SPEG: variants seen among roughly 807,000 people sequenced by gnomAD.
SPEG encodes striated muscle preferentially expressed protein kinase.
In SPEG, 114 loss-of-function variants were observed where a neutral mutation model predicts 300.4. That is an observed-to-expected ratio of 0.38 (90% CI 0.33 to 0.44). The LOEUF (loss-of-function observed/expected upper bound fraction) is 0.44. SPEG is among the 20% of genes least tolerant of loss of function. The probability of loss-of-function intolerance (pLI) is 1.00; values close to 1 mark genes in which losing one functional copy is unlikely to be tolerated. For missense variants in SPEG, 4,201 were observed against 4,586.2 expected (o/e 0.92, Z 2.43); for synonymous variants, 1,964 against 2,018.9 (o/e 0.97, Z 0.73).
Position 219,448,349 on chromosome 2 carries a change from C to T in SPEG, c.1191C>T (p.Gly397=), listed in dbSNP as rs758190080. 5.0e-6 allele frequency: 8 copies of T among 1,587,172 alleles called. No individual in the cohort carries two copies. Among genetic ancestry groups the T allele is most frequent in the African/African-American group, 1.4e-5 (1 of 73,852 alleles). ...GATCGCCTAGGCTGGTGCGCGCCGG[C>T]TCCCGCATCCTGGACAAGCTGCAGT... The part of the protein sequence containing the change: ...LGRSPRLVRA[G]SRILDKLQFF... Residue 397 remains glycine (G), a synonymous_variant, in exon 4 of 41, where the codon GGC becomes GGT. Coordinates refer to ENST00000312358, the MANE Select transcript of SPEG (RefSeq NM_005876.5).
At chr2:219,462,419 G>A (rs921434224) in intron 8 of SPEG, 33 bp downstream of exon 8, 6 of 1,515,874 alleles carry the variant, frequency 4.0e-6, no homozygotes, top group African/African-American at 2.8e-5. Context: ...ACCCACCAGC[G>A]ACTCTATGCC....
In SPEG at chr2:219,488,622, C is replaced by T. The variant is rs200645290; in HGVS notation, c.7983C>T (p.Asn2661=). 27 of 1,610,808 alleles carry T rather than the reference C, an allele frequency of 1.7e-5. No individual in the cohort carries two copies. The highest frequency in any genetic ancestry group is 5.0e-5 in the Admixed American group (3 of 59,728). The change falls in exon 33 of 41, where the codon AAC becomes AAT. Residue 2661 remains asparagine, a synonymous_variant. Coordinates refer to ENST00000312358, the MANE Select transcript of SPEG (RefSeq NM_005876.5). Reference sequence around the variant, plus strand: ...GTCTCTATGAGTGCTCGGCCACCAACGTACTGGGCAGCATCACCAGCTCCT... The same window carrying T: ...GTCTCTATGAGTGCTCGGCCACCAATGTACTGGGCAGCATCACCAGCTCCT... ...HAGLYECSAT[N]VLGSITSSCT...
intron 18 of SPEG, among the ~76,000 whole-genome samples, chr2:219,475,718 C>G (rs1250998756): frequency 6.6e-6 from 1 of 152,230 alleles, no homozygotes; most frequent in Non-Finnish European, 1.5e-5. Context: ...TGCAGCACAG[C>G]CTAGCTGGAA....
Position 219,451,355 on chromosome 2 carries a change from G to A in SPEG, c.2257+76G>A, listed in dbSNP as rs950207979. ...TGAGAAGGGAAGGGGAGGTTCCCCCGGACTCCTCCAAGGGAGGGGTGGGAA... is the reference window on the plus strand; with the variant it reads ...TGAGAAGGGAAGGGGAGGTTCCCCCAGACTCCTCCAAGGGAGGGGTGGGAA... On this transcript the variant is annotated intron_variant, in intron 5 of 40. Coordinates refer to ENST00000312358, the MANE Select transcript of SPEG (RefSeq NM_005876.5). This position sits in a 1 kb window ranked among gnomAD's most constrained non-coding sequence, Gnocchi z 6.4. The A allele has an allele frequency of 9.3e-6, 14 of 1,507,096 alleles. No homozygotes were observed. Among genetic ancestry groups the A allele is most frequent in the Middle Eastern group, 4.8e-4 (2 of 4,124 alleles). 93.4% of individuals were successfully genotyped at this position (1,507,096 alleles called of 1,614,324 possible).
rs138216550 is a variant in SPEG, at chr2:219,480,167, G to T, written c.5342+27G>T. 3.7e-6 allele frequency: 6 copies of T among 1,610,012 alleles called. No individual in the cohort carries two copies. The highest frequency in any genetic ancestry group is 1.1e-5 in the South Asian group (1 of 90,928). Reference sequence around the variant, plus strand: ...TAAGGCTGGCATGCTGGGCTGGGCCGACCAGGGCAGCTGCCCTTGGGGCTG... The same window carrying T: ...TAAGGCTGGCATGCTGGGCTGGGCCTACCAGGGCAGCTGCCCTTGGGGCTG... On this transcript the variant is annotated intron_variant, in intron 25 of 40. Transcript: ENST00000312358. This position sits in a 1 kb window ranked among gnomAD's most constrained non-coding sequence, Gnocchi z 5.3.
intron 4 of SPEG, among the ~76,000 whole-genome samples, chr2:219,449,972 G>A (rs947877202): frequency 8.6e-5 from 13 of 151,840 alleles, no homozygotes; most frequent in Non-Finnish European, 1.5e-4. Context: ...ACATCAACTC[G>A]AGGCCCACTC....
intron 1 of SPEG, among the ~76,000 whole-genome samples, chr2:219,442,393 A>G (rs536948510): frequency 6.7e-6 from 1 of 150,002 alleles, no homozygotes; most frequent in Admixed American, 6.6e-5. Flanking sequence ...CTTCTTTGCC[A>G]CATCTTCTCT....
chr2:219,457,061 A>G (rs988047244), intron 6 of SPEG, among the ~76,000 whole-genome samples: 1 of 152,342 alleles, frequency 6.6e-6, no homozygotes, highest in South Asian at 2.1e-4. Flanking sequence ...CCAAGGGGAA[A>G]CATTCATGTC....
rs1223448923 is a variant in SPEG, at chr2:219,481,075, A to G, written c.5370-229A>G. On this transcript the variant is annotated intron_variant, in intron 26 of 40. Transcript: ENST00000312358. This position sits in a 1 kb window ranked among gnomAD's most constrained non-coding sequence, Gnocchi z 5.4. Reference sequence around the variant, plus strand: ...GGAGGAGGGATGGAACAGGTCCTCTAAAGCACAGGCCACTAGGCCCCAAGG... The same window carrying G: ...GGAGGAGGGATGGAACAGGTCCTCTGAAGCACAGGCCACTAGGCCCCAAGG... 6.6e-6 allele frequency among the ~76,000 whole-genome samples: 1 copy of G among 152,138 alleles called. No individual in the cohort carries two copies. The highest frequency in any genetic ancestry group is 2.4e-5 in the African/African-American group (1 of 41,442).
Position 219,449,104 on chromosome 2 carries a change from A to G in SPEG, c.1946A>G (p.Glu649Gly). 6.7e-7 allele frequency: 1 copy of G among 1,487,892 alleles called. No homozygotes were observed. The highest frequency in any genetic ancestry group is 8.9e-7 in the Non-Finnish European group (1 of 1,120,878). 92.2% of individuals were successfully genotyped at this position (1,487,892 alleles called of 1,614,324 possible). ...RFLPWATPGL[E>G]GAAVPQTLEK... ...CTGCCCTGGGCCACGCCGGGCCTGG[A>G]GGGCGCTGCTGTACCCCAGACCTTG... The change falls in exon 4 of 41, where the codon GAG becomes GGG. Residue 649 changes from glutamate (E) to glycine (G), a missense_variant. Transcript: ENST00000312358.
chr2:219,475,102 A>AT (rs1692223934), intron 18 of SPEG, among the ~76,000 whole-genome samples: 1 of 151,626 alleles, frequency 6.6e-6, no homozygotes. Context: ...TCTTTTTATA[A>AT]TTTTTCCTTT....
chr2:219,466,700 T>G, intron 9 of SPEG: 1 of 998,782 alleles, frequency 1.0e-6, no homozygotes, highest in Non-Finnish European at 1.2e-6. Flanking sequence ...TTAGGGCCCA[T>G]TTGGGGCCCC....
At chr2:219,472,413 C>T in intron 15 of SPEG, 82 bp downstream of exon 15, 2 of 1,259,764 alleles carry the variant, frequency 1.6e-6, no homozygotes, top group East Asian at 2.4e-5. Flanking sequence ...GGGGGCCAGG[C>T]CCCAGAAGCG....
At chr2:219,449,547 C>T (rs1040452409) in intron 4 of SPEG, among the ~76,000 whole-genome samples, 1 of 152,080 alleles carries the variant, frequency 6.6e-6, no homozygotes, top group African/African-American at 2.4e-5. Flanking sequence ...AGACTGGTGC[C>T]CAGATGCCCG....
At chr2:219,442,455 C>A (rs1212881204) in intron 1 of SPEG, among the ~76,000 whole-genome samples, 1 of 150,954 alleles carries the variant, frequency 6.6e-6, no homozygotes, top group Non-Finnish European at 1.5e-5. Flanking sequence ...CGGCCTGCCC[C>A]AGCCCCCCAC....
Position 219,461,874 on chromosome 2 carries a change from C to G in SPEG, c.2441-8C>G, listed in dbSNP as rs375370312. On this transcript the variant is annotated splice_region_variant and splice_polypyrimidine_tract_variant and intron_variant, in intron 6 of 40. Transcript: ENST00000312358. ...TCCTCCCTGGTAGCTATCTCTGTCT[C>G]TCTCCAGGTGGGTCTACATCCCCTT... The G allele has an allele frequency of 2.5e-4, 410 of 1,612,924 alleles. 2 individuals are homozygous for G. Among genetic ancestry groups the G allele is most frequent in the Middle Eastern group, 1.3e-3 (8 of 6,050 alleles).
intron 7 of SPEG, 24 bp downstream of exon 7, chr2:219,462,081 T>G (rs778390477): frequency 1.8e-5 from 29 of 1,567,980 alleles, no homozygotes; most frequent in Non-Finnish European, 2.4e-5. Context: ...GGCTGGGGCC[T>G]AGCCTCCTGT....
chr2:219,450,436 G>A (rs1689657918), intron 4 of SPEG, among the ~76,000 whole-genome samples: 1 of 152,198 alleles, frequency 6.6e-6, no homozygotes, highest in Admixed American at 6.5e-5. Context: ...CTTATGGAAT[G>A]TCAGAGTTGG....
chr2:219,484,951 C>A lies in SPEG; in HGVS notation c.7488C>A (p.Ser2496=), dbSNP rs1185941942. The A allele has an allele frequency of 9.2e-6, 14 of 1,529,446 alleles. No individual in the cohort carries two copies. In the African/African-American group the frequency reaches 1.9e-4, roughly 21 times the overall value. The allele number at this position is 1,529,446 out of a possible 1,614,324, so 94.7% of individuals were successfully genotyped here. Residue 2496 remains serine, a synonymous_variant, in exon 30 of 41, where the codon TCC becomes TCA. Coordinates refer to ENST00000312358, the MANE Select transcript of SPEG (RefSeq NM_005876.5). Reference sequence around the variant, plus strand: ...TCGGACGGCTTCGCAGGGCCACGTCCGAGGGCGAGAGTCTGCGGCGCCTTG... The same window carrying A: ...TCGGACGGCTTCGCAGGGCCACGTCAGAGGGCGAGAGTCTGCGGCGCCTTG... The part of the protein sequence containing the change: ...PLFGRLRRAT[S]EGESLRRLGL...
Sources: gnomAD v4.1 joint callset for allele counts (sites outside exome capture counted in the v4.1 genomes callset) on GRCh38, gnomAD v4.1.1 for gene constraint, Gnocchi (gnomAD v3.1) non-coding constraint, MANE v1.5 for transcripts, NCBI Gene and HGNC (gene_info 2026-07-23, HGNC 2026-07-21) for gene names.